The following MAGI2 variants were observed in gnomAD, a reference collection of about 807,000 sequenced individuals.
MAGI2 encodes the protein membrane associated guanylate kinase, WW and PDZ domain containing 2.
MAGI2 carries 35 observed loss-of-function variants against 133.3 expected under a neutral mutation model. The observed-to-expected ratio is 0.26, with a 90% CI of 0.20 to 0.35. The LOEUF (loss-of-function observed/expected upper bound fraction) is 0.35, where lower values mean the gene tolerates loss of function less well. MAGI2 is among the 10% of genes least tolerant of loss of function. MAGI2 has a pLI of 1.00. For synonymous variants in MAGI2, 729 were observed against 710.6 expected (o/e 1.03, Z -0.41); for missense variants, 1,636 against 1,863.4 (o/e 0.88, Z 2.25).
intron 21 of MAGI2, among the ~76,000 whole-genome samples, chr7:78,054,481 C>T (rs1812348389): frequency 6.6e-6 from 1 of 151,988 alleles, no homozygotes; most frequent in Non-Finnish European, 1.5e-5. Flanking sequence ...GGAATTCTGT[C>T]TTTAAAAAGC....
At chr7:78,513,498 A>G (rs902975351) in intron 4 of MAGI2, among the ~76,000 whole-genome samples, 6 of 148,840 alleles carry the variant, frequency 4.0e-5, no homozygotes, top group Admixed American at 1.3e-4. Flanking sequence ...GAGGAGAACT[A>G]TAAGAAACCC....
At chr7:78,655,228 T>C (rs974910509) in intron 2 of MAGI2, among the ~76,000 whole-genome samples, 12 of 151,544 alleles carry the variant, frequency 7.9e-5, no homozygotes, top group African/African-American at 2.7e-4. Flanking sequence ...GAAAACCTAT[T>C]GTCAAAACCT....
chr7:78,187,891 T>C (rs1021214032), intron 12 of MAGI2, among the ~76,000 whole-genome samples: 5 of 152,218 alleles, frequency 3.3e-5, no homozygotes, highest in South Asian at 4.1e-4. Flanking sequence ...TTCATGAATA[T>C]ACATTGGGTT....
At chr7:79,400,927 G>T (rs7807048) in intron 1 of MAGI2, among the ~76,000 whole-genome samples, 1 of 151,880 alleles carries the variant, frequency 6.6e-6, no homozygotes, top group African/African-American at 2.4e-5. Flanking sequence ...TGAAGTGCCA[G>T]CTCTCAATAT....
chr7:78,774,678 C>A (rs1825846985), intron 2 of MAGI2, among the ~76,000 whole-genome samples: 2 of 152,024 alleles, frequency 1.3e-5, no homozygotes, highest in Non-Finnish European at 2.9e-5. Context: ...GAGCTCTGGG[C>A]AAAGATTTTC....
intron 9 of MAGI2, among the ~76,000 whole-genome samples, chr7:78,272,206 T>G (rs1211084499): frequency 6.6e-6 from 1 of 152,198 alleles, no homozygotes; most frequent in Non-Finnish European, 1.5e-5. Flanking sequence ...ATTTACCCAG[T>G]AGTCATTCAG....
chr7:78,490,439 T>A (rs1289233531), intron 5 of MAGI2, among the ~76,000 whole-genome samples: 1 of 152,086 alleles, frequency 6.6e-6, no homozygotes. Flanking sequence ...GCCTGCATTC[T>A]AATGTTTCTG....
At chr7:79,115,314 T>G (rs2129544202) in intron 1 of MAGI2, among the ~76,000 whole-genome samples, 1 of 152,352 alleles carries the variant, frequency 6.6e-6, no homozygotes, top group East Asian at 1.9e-4. Context: ...AAAGTCATAT[T>G]CACATTACCA....
chr7:78,530,601 T>C (rs1184533703), intron 3 of MAGI2, among the ~76,000 whole-genome samples: 1 of 152,166 alleles, frequency 6.6e-6, no homozygotes, highest in Non-Finnish European at 1.5e-5. Context: ...CTCATAGTTA[T>C]CCTTTTCTCT....
chr7:78,963,563 TG>T (rs1334529680), intron 2 of MAGI2, among the ~76,000 whole-genome samples: 1 of 151,960 alleles, frequency 6.6e-6, no homozygotes, highest in Non-Finnish European at 1.5e-5. Context: ...ACATGTAAAC[TG>T]GGAGAGCTGG....
At chr7:78,409,582 T>C (rs1797688111) in intron 6 of MAGI2, among the ~76,000 whole-genome samples, 1 of 152,098 alleles carries the variant, frequency 6.6e-6, no homozygotes, top group South Asian at 2.1e-4. Context: ...AACAAAGACC[T>C]TTATTACACA....
chr7:79,394,454 T>G (rs1844898867), intron 1 of MAGI2, among the ~76,000 whole-genome samples: 1 of 152,226 alleles, frequency 6.6e-6, no homozygotes, highest in Non-Finnish European at 1.5e-5. Flanking sequence ...TGTCCTTGCA[T>G]ACTGTAAAAC....
chr7:79,304,203 C>CTGTGTGTG (rs1184824177), intron 1 of MAGI2, among the ~76,000 whole-genome samples: 15,619 of 135,074 alleles, frequency 0.12, 1,082 homozygotes, highest in East Asian at 0.16. Flanking sequence ...GTGTGTGTGT[C>CTGTGTGTG]TGTGTGTGTG....
At chr7:78,490,938 A>G (rs1439072512) in intron 5 of MAGI2, among the ~76,000 whole-genome samples, 3 of 152,126 alleles carry the variant, frequency 2.0e-5, no homozygotes, top group African/African-American at 7.2e-5. Context: ...CAATGAATGG[A>G]ACATGAAAGG....
chr7:79,242,736 G>T (rs1026232025), intron 1 of MAGI2, among the ~76,000 whole-genome samples: 1 of 151,942 alleles, frequency 6.6e-6, no homozygotes, highest in African/African-American at 2.4e-5. Flanking sequence ...TGTTTACATT[G>T]GCCAATAAGA....
intron 21 of MAGI2, among the ~76,000 whole-genome samples, chr7:78,043,726 C>T (rs1353832330): frequency 2.0e-5 from 3 of 152,158 alleles, no homozygotes. Context: ...GAAGATTAAG[C>T]AGCTTGCACT....
intron 6 of MAGI2, among the ~76,000 whole-genome samples, chr7:78,431,074 C>CTGTGTGTGTGTGTGTGTGTGTGTG (rs147567944): frequency 1.7e-3 from 255 of 146,494 alleles, no homozygotes; most frequent in Middle Eastern, 0.011. Context: ...GTGAGGTAGG[C>CTGTGTGTGTGTGTGTGTGTGTGTG]TGTGTGTGTG....
intron 1 of MAGI2, among the ~76,000 whole-genome samples, chr7:79,033,510 C>T (rs1314942248): frequency 6.6e-6 from 1 of 152,112 alleles, no homozygotes; most frequent in African/African-American, 2.4e-5. Context: ...ACCTTATGGA[C>T]AATTAGTTAG....
intron 2 of MAGI2, among the ~76,000 whole-genome samples, chr7:78,997,244 A>G (rs982586095): frequency 2.6e-5 from 4 of 152,156 alleles, no homozygotes; most frequent in African/African-American, 9.7e-5. Flanking sequence ...AGAAAAGATA[A>G]CAGCTTAGAA....
Sources: gnomAD v4.1 joint callset for allele counts (sites outside exome capture counted in the v4.1 genomes callset) on GRCh38, gnomAD v4.1.1 for gene constraint, MANE v1.5 for transcripts, NCBI Gene and HGNC (gene_info 2026-07-23, HGNC 2026-07-21) for gene names.